The following WIPI1 variants were observed in gnomAD, a reference collection of about 807,000 sequenced individuals.
The protein encoded by WIPI1 is WD repeat domain, phosphoinositide interacting 1, also known as WD repeat domain phosphoinositide-interacting protein 1.
A neutral mutation model predicts 55.3 loss-of-function variants in WIPI1; 45 were observed. The observed-to-expected ratio is 0.81, with a 90% CI of 0.64 to 1.04. The LOEUF (loss-of-function observed/expected upper bound fraction) is 1.04. WIPI1 is among the 50% of genes least tolerant of loss of function. WIPI1 has a pLI of 0.00. For synonymous variants in WIPI1, 195 were observed against 217.6 expected (o/e 0.90, Z 0.92); for missense variants, 445 against 559.0 (o/e 0.80, Z 2.06).
chr17:68,433,053 GATAA>G (rs2083598459), intron 8 of WIPI1, among the ~76,000 whole-genome samples: 1 of 152,312 alleles, frequency 6.6e-6, no homozygotes, highest in South Asian at 2.1e-4. Context: ...TGGCAACAAT[GATAA>G]ATAAATATAT....
intron 1 of WIPI1, among the ~76,000 whole-genome samples, chr17:68,454,064 T>TA (rs980950360): frequency 6.6e-6 from 1 of 152,064 alleles, no homozygotes; most frequent in Non-Finnish European, 1.5e-5. Flanking sequence ...AAGTGCCTCT[T>TA]AAAAAAAATC....
intron 11 of WIPI1, 78 bp from the exon 12 acceptor site, chr17:68,426,253 G>GGGGGGGGGGGGGGGGGGGGA: frequency 1.2e-6 from 1 of 841,018 alleles, no homozygotes; most frequent in South Asian, 1.3e-5. Context: ...GGGGAGCGGG[G>GGGGGGGGGGGGGGGGGGGGA]GCTCAAATAA....
intron 1 of WIPI1, among the ~76,000 whole-genome samples, chr17:68,455,926 T>C (rs1251822025): frequency 6.6e-6 from 1 of 152,232 alleles, no homozygotes; most frequent in East Asian, 1.9e-4. Context: ...TCAACAGCCA[T>C]GCCCTCTTGC....
chr17:68,455,044 T>C (rs965895310), intron 1 of WIPI1, among the ~76,000 whole-genome samples: 2 of 152,110 alleles, frequency 1.3e-5, no homozygotes, highest in Non-Finnish European at 2.9e-5. Flanking sequence ...GGGACAAATA[T>C]TTATCATTAA....
At chr17:68,429,753 TA>T (rs1260764043) in intron 9 of WIPI1, among the ~76,000 whole-genome samples, 2 of 152,096 alleles carry the variant, frequency 1.3e-5, no homozygotes, top group African/African-American at 2.4e-5. Flanking sequence ...CATACCCGGC[TA>T]ATTTTTGTAT....
In WIPI1 at chr17:68,426,243, G is replaced by GGA. The variant is rs754582715; in HGVS notation, c.1193-69_1193-68insTC. ...GCTTTTATGCCATGACCTGGCGGGT[G>GGA]GGGAGCGGGGGCTCAAATAAAGGGC... On this transcript the variant is annotated intron_variant, in intron 11 of 12. Coordinates refer to ENST00000262139, the MANE Select transcript of WIPI1 (RefSeq NM_017983.7). 23 of 935,274 alleles carry GGA rather than the reference G, an allele frequency of 2.5e-5. 1 individual carries two copies. The highest frequency in any genetic ancestry group is 3.3e-5 in the Non-Finnish European group (21 of 634,432). The allele number at this position is 935,274 out of a possible 1,614,324, so 57.9% of individuals were successfully genotyped here.
chr17:68,451,533 C>G (rs2084499443), intron 2 of WIPI1, among the ~76,000 whole-genome samples: 1 of 152,212 alleles, frequency 6.6e-6, no homozygotes, highest in Admixed American at 6.5e-5. Context: ...CCCCTCCAGA[C>G]CCTAGGGCTC....
At chr17:68,439,809 G>A (rs938304001) in intron 4 of WIPI1, among the ~76,000 whole-genome samples, 5 of 152,116 alleles carry the variant, frequency 3.3e-5, no homozygotes, top group African/African-American at 1.2e-4. Context: ...GAAGGCTACC[G>A]TGATATAGAG....
chr17:68,445,642 T>C (rs1181236988), intron 3 of WIPI1, among the ~76,000 whole-genome samples: 1 of 152,222 alleles, frequency 6.6e-6, no homozygotes, highest in Non-Finnish European at 1.5e-5. Flanking sequence ...TCAGAGCCTC[T>C]TCCCAATGGC....
At chr17:68,437,947 T>A (rs1600326959) in intron 4 of WIPI1, among the ~76,000 whole-genome samples, 1 of 58,786 alleles carries the variant, frequency 1.7e-5, no homozygotes, top group Non-Finnish European at 3.1e-5. Flanking sequence ...GACATCTCTC[T>A]TAAAAAAAAA....
In WIPI1 at chr17:68,434,541, A is replaced by C; in HGVS notation, c.692+15T>G. ...CTGCGGGGACTTTAAAATGGGTTTGACATTGAACACAGACCTTTTCATCCC... is the reference window on the plus strand; with the variant it reads ...CTGCGGGGACTTTAAAATGGGTTTGCCATTGAACACAGACCTTTTCATCCC... On this transcript the variant is annotated intron_variant, in intron 7 of 12. Transcript: ENST00000262139. 1 of 1,613,606 alleles carries C rather than the reference A, an allele frequency of 6.2e-7. No homozygotes were observed. Among genetic ancestry groups the C allele is most frequent in the Non-Finnish European group, 8.5e-7 (1 of 1,179,676 alleles).
At chr17:68,426,253 G>GGGGGGGGGGT in intron 11 of WIPI1, 78 bp from the exon 12 acceptor site, 7 of 841,012 alleles carry the variant, frequency 8.3e-6, no homozygotes, top group South Asian at 4.0e-5. Flanking sequence ...GGGGAGCGGG[G>GGGGGGGGGGT]GCTCAAATAA....
At chr17:68,429,724 G>A (rs543887386) in intron 9 of WIPI1, among the ~76,000 whole-genome samples, 6 of 152,232 alleles carry the variant, frequency 3.9e-5, no homozygotes, top group Middle Eastern at 6.8e-3. Flanking sequence ...AAGTAGCTGG[G>A]ACTACAGGCA....
At chr17:68,426,248 G>GGGGGGGGGGGGT in intron 11 of WIPI1, 73 bp from the exon 12 acceptor site, 1 of 832,028 alleles carries the variant, frequency 1.2e-6, no homozygotes, top group Non-Finnish European at 1.9e-6. Context: ...CGGGTGGGGA[G>GGGGGGGGGGGGT]CGGGGGCTCA....
chr17:68,453,364 G>A (rs986696719), intron 1 of WIPI1, among the ~76,000 whole-genome samples: 3 of 152,126 alleles, frequency 2.0e-5, no homozygotes, highest in Admixed American at 6.5e-5. Context: ...CCAACACAAC[G>A]AGGGGGCCTT....
At chr17:68,426,464 C>A (rs540912272) in intron 11 of WIPI1, among the ~76,000 whole-genome samples, 28 of 152,230 alleles carry the variant, frequency 1.8e-4, no homozygotes, top group African/African-American at 6.7e-4. Context: ...AACTCCTGAG[C>A]CTAAGGGATC....
rs1486902128 is a variant in WIPI1, at chr17:68,457,467, A to G, written c.-46T>C. 1.4e-6 allele frequency: 2 copies of G among 1,389,006 alleles called. No homozygotes were observed. The highest frequency in any genetic ancestry group is 3.7e-5 in the Admixed American group (1 of 26,720). 86.0% of individuals were successfully genotyped at this position (1,389,006 alleles called of 1,614,324 possible). A position where few individuals can be genotyped will look rare whatever the true frequency, so the allele number is the denominator to read the frequency against. ...CCGCAGCTCGGAGCCGGCGACAGCC[A>G]CCTCAGCAGCCCGCCCGCGCCGGCT... is the stretch of plus-strand genomic sequence containing the variant. On this transcript the variant is annotated 5_prime_UTR_variant, in exon 1 of 13. Coordinates refer to ENST00000262139, the MANE Select transcript of WIPI1 (RefSeq NM_017983.7).
intron 1 of WIPI1, among the ~76,000 whole-genome samples, chr17:68,454,198 C>A (rs1471322127): frequency 6.6e-6 from 1 of 152,220 alleles, no homozygotes; most frequent in East Asian, 1.9e-4. Context: ...GGAATCCTCA[C>A]CCAGCTCTTT....
rs1313899218 is a variant in WIPI1 at position 68,434,430 on chromosome 17, A to G, written c.692+126T>C. ...CTGGGAGTCAATTACCTGGGAGAGT[A>G]GTTACACTTCCTCCAGGTGAGTGGA... On this transcript the variant is annotated intron_variant, in intron 7 of 12. Coordinates refer to ENST00000262139, the MANE Select transcript of WIPI1 (RefSeq NM_017983.7). 5 of 867,856 alleles carry G rather than the reference A, an allele frequency of 5.8e-6. No homozygotes were observed. The African/African-American group carries it at 6.8e-5, about 12-fold the overall frequency. 53.8% of individuals were successfully genotyped at this position (867,856 alleles called of 1,614,324 possible). A position where few individuals can be genotyped will look rare whatever the true frequency, so the allele number is the denominator to read the frequency against.
Sources: gnomAD v4.1 joint callset for allele counts (sites outside exome capture counted in the v4.1 genomes callset) on GRCh38, gnomAD v4.1.1 for gene constraint, MANE v1.5 for transcripts, NCBI Gene and HGNC (gene_info 2026-07-23, HGNC 2026-07-21) for gene names.